Variants in ZNF638 observed in about 807,000 individuals in gnomAD.
ZNF638 encodes the protein zinc finger protein 638.
ZNF638 carries 46 observed loss-of-function variants against 195.6 expected under a neutral mutation model. That is an observed-to-expected ratio of 0.24 (90% CI 0.19 to 0.30). ZNF638 has a LOEUF of 0.30. Among genes scored for constraint, ZNF638 ranks in the 10% least tolerant of loss-of-function variants. ZNF638 has a pLI of 1.00. For missense variants in ZNF638, 2,440 were observed against 2,325.3 expected (o/e 1.05, Z -1.01); for synonymous variants, 845 against 772.0 (o/e 1.09, Z -1.57).
intron 1 of ZNF638, among the ~76,000 whole-genome samples, chr2:71,339,146 T>G (rs2078720260): frequency 8.6e-6 from 1 of 116,624 alleles, no homozygotes; most frequent in Non-Finnish European, 1.7e-5. Context: ...TTTAGTCGGT[T>G]TAGGTTTTTT....
At chr2:71,338,921 A>T (rs190697864) in intron 1 of ZNF638, among the ~76,000 whole-genome samples, 1 of 152,328 alleles carries the variant, frequency 6.6e-6, no homozygotes, top group East Asian at 1.9e-4. Context: ...CCTTGAAATA[A>T]CATTACCATA....
chr2:71,349,526 C>T lies in ZNF638; in HGVS notation c.572C>T (p.Ser191Phe). 1.2e-6 allele frequency: 2 copies of T among 1,614,136 alleles called. No homozygotes were observed. Among genetic ancestry groups the T allele is most frequent in the Non-Finnish European group, 1.7e-6 (2 of 1,180,018 alleles). The change falls in exon 2 of 28, where the codon TCT becomes TTT. Residue 191 changes from serine to phenylalanine, a missense_variant. Ser to Phe is a radical substitution (Grantham distance 155). Transcript: ENST00000264447. Reference protein sequence around the residue: ...KMGRRLPNLPSQSRNKETLGS... With the variant: ...KMGRRLPNLPFQSRNKETLGS... ...GGGCGCCGATTACCTAATTTACCTT[C>T]TCAGAGCAGAAATAAAGAAACACTT... is the stretch of plus-strand genomic sequence containing the variant.
At chr2:71,371,250 G>T (rs921752570) in intron 8 of ZNF638, among the ~76,000 whole-genome samples, 1 of 152,098 alleles carries the variant, frequency 6.6e-6, no homozygotes, top group Non-Finnish European at 1.5e-5. Context: ...TGTGTTGATG[G>T]ACACTTAGTT....
chr2:71,425,470 T>C (rs1001720860), intron 23 of ZNF638, among the ~76,000 whole-genome samples: 2 of 152,170 alleles, frequency 1.3e-5, no homozygotes, highest in African/African-American at 4.8e-5. Context: ...CTAATGTCGT[T>C]ATTATATATA....
chr2:71,384,089 G>T (rs2079589430), intron 10 of ZNF638, among the ~76,000 whole-genome samples: 1 of 152,032 alleles, frequency 6.6e-6, no homozygotes. Context: ...TTCAGATTTA[G>T]ATAACATCCT....
At chr2:71,401,196 T>C (rs2079998788) in intron 15 of ZNF638, among the ~76,000 whole-genome samples, 1 of 151,960 alleles carries the variant, frequency 6.6e-6, no homozygotes, top group Non-Finnish European at 1.5e-5. Context: ...ACTTCCTGCC[T>C]TTTTTTCCCC....
At chr2:71,384,866 C>G (rs1351935949) in intron 10 of ZNF638, among the ~76,000 whole-genome samples, 4 of 152,118 alleles carry the variant, frequency 2.6e-5, no homozygotes, top group Non-Finnish European at 4.4e-5. Flanking sequence ...GTGATTTACA[C>G]CATTCAGAGA....
chr2:71,397,740 A>T (rs1334819657), intron 11 of ZNF638, among the ~76,000 whole-genome samples: 1 of 152,198 alleles, frequency 6.6e-6, no homozygotes, highest in African/African-American at 2.4e-5. Flanking sequence ...TTGCTCTCTG[A>T]ATGGTGGAAA....
chr2:71,389,228 C>T (rs1375883535), intron 10 of ZNF638, among the ~76,000 whole-genome samples: 1 of 152,158 alleles, frequency 6.6e-6, no homozygotes, highest in Non-Finnish European at 1.5e-5. Flanking sequence ...ACAAGGGATA[C>T]ACTACAGCTG....
chr2:71,369,357 G>A (rs1573062299), intron 7 of ZNF638, among the ~76,000 whole-genome samples: 1 of 151,414 alleles, frequency 6.6e-6, no homozygotes, highest in Non-Finnish European at 1.5e-5. Context: ...TGTGAGTTAA[G>A]GCTGGGTGTG....
At position 71,423,404 on chromosome 2, in the gene ZNF638, A is replaced by C. The variant is rs777534731; in HGVS notation, c.3890A>C (p.Lys1297Thr). The change falls in exon 22 of 28, where the codon AAA becomes ACA. Residue 1297 changes from lysine (K) to threonine (T), a missense_variant. Around this residue, in one of 5 missense-constraint regions of ZNF638, gnomAD observed 1,883 missense variants for 1,739.1 expected, o/e 1.08. Coordinates refer to ENST00000264447, the MANE Select transcript of ZNF638 (RefSeq NM_014497.5). ...ACTGGGGATGAGAAGACAGTGGACA[A>C]AAAGAATATTTCTGAAAAAAAAGGT... ...IPTGDEKTVDKKNISEKKGNM... is the reference protein window; with the variant it reads ...IPTGDEKTVDTKNISEKKGNM... The C allele has an allele frequency of 6.2e-7, 1 of 1,613,976 alleles. No individual in the cohort carries two copies. The highest frequency in any genetic ancestry group is 1.7e-5 in the Admixed American group (1 of 59,988).
chr2:71,352,965 C>T (rs1023094931), intron 2 of ZNF638, among the ~76,000 whole-genome samples: 9 of 152,282 alleles, frequency 5.9e-5, no homozygotes, highest in Non-Finnish European at 1.0e-4. Context: ...CAGAATGGGG[C>T]TCATCTAAGT....
rs111723102 is a variant in ZNF638 at position 71,391,808 on chromosome 2, C to G, written c.2378-4333C>G. The stretch of plus-strand genomic sequence containing the variant: ...AAAGGCAGTGCTGCCCTAGACTCAC[C>G]CAGGTATTTAACCCCCGCAGCAAAA... On this transcript the variant is annotated intron_variant, in intron 10 of 27. Coordinates refer to ENST00000264447, the MANE Select transcript of ZNF638 (RefSeq NM_014497.5). 3.8e-3 allele frequency among the ~76,000 whole-genome samples: 573 copies of G among 152,218 alleles called. 5 individuals carry two copies. The highest frequency in any genetic ancestry group is 0.013 in the African/African-American group (534 of 41,534).
rs755955440 is a variant in ZNF638 at position 71,402,021 on chromosome 2, A to T, written c.2763A>T (p.Glu921Asp). Residue 921 changes from glutamate (E) to aspartate (D), a missense_variant, in exon 16 of 28, where the codon GAA (glutamate) becomes GAT (aspartate). By Grantham distance (45) the Glu-to-Asp change is conservative. Coordinates refer to ENST00000264447, the MANE Select transcript of ZNF638 (RefSeq NM_014497.5). ...CTAATAAAGGATATTCTGTAGAAGA[A>T]GTTTATGACTTAGCAAAACCATTTG... ...NLPNKGYSVE[E>D]VYDLAKPFGG... 20 of 1,609,048 alleles carry T rather than the reference A, an allele frequency of 1.2e-5. No homozygotes were observed. Among genetic ancestry groups the T allele is most frequent in the Middle Eastern group, 1.7e-4 (1 of 6,026 alleles).
intron 10 of ZNF638, among the ~76,000 whole-genome samples, chr2:71,383,280 A>G (rs1055802800): frequency 6.6e-6 from 1 of 152,190 alleles, no homozygotes; most frequent in African/African-American, 2.4e-5. Flanking sequence ...GTGCCACTGC[A>G]CTCCAGCCTG....
chr2:71,388,380 T>G (rs931406888), intron 10 of ZNF638: 2 of 626,472 alleles, frequency 3.2e-6, no homozygotes, highest in African/African-American at 1.8e-5. Flanking sequence ...CATCCGACCT[T>G]TGATCATCTG....
chr2:71,357,961 GA>G (rs11304578), intron 3 of ZNF638, among the ~76,000 whole-genome samples: 6,304 of 152,230 alleles, frequency 0.041, 223 homozygotes, highest in African/African-American at 0.095. Context: ...AACTGGGAGA[GA>G]ATAAATTTCT....
intron 1 of ZNF638, among the ~76,000 whole-genome samples, chr2:71,343,461 A>T (rs11674392): frequency 0.032 from 4,865 of 152,318 alleles, 113 homozygotes; most frequent in Middle Eastern, 0.048. Flanking sequence ...ACCTACTGTC[A>T]TTCCCAATTA....
chr2:71,417,044 G>T (rs1307962563), intron 20 of ZNF638, among the ~76,000 whole-genome samples: 1 of 131,730 alleles, frequency 7.6e-6, no homozygotes, highest in African/African-American at 2.9e-5. Flanking sequence ...ACCTAAGCAA[G>T]CCTGGGCAAT....
Sources: gnomAD v4.1 joint callset for allele counts (sites outside exome capture counted in the v4.1 genomes callset) on GRCh38, gnomAD v4.1.1 for gene constraint, gnomAD v4.1.1 regional missense constraint, MANE v1.5 for transcripts, NCBI Gene and HGNC (gene_info 2026-07-23, HGNC 2026-07-21) for gene names.